The following FBXL13 variants were observed in gnomAD, a reference collection of about 807,000 sequenced individuals.
The protein encoded by FBXL13 is F-box and leucine-rich repeat protein 13.
FBXL13 carries 67 observed loss-of-function variants against 83.6 expected under a neutral mutation model. The ratio of observed to expected loss-of-function variants is 0.80; its 90% CI spans 0.66 to 0.98. FBXL13 has a LOEUF of 0.98. FBXL13 is among the 50% of genes least tolerant of loss of function. The pLI is 0.00. For synonymous variants in FBXL13, 272 were observed against 299.5 expected, an observed-to-expected ratio of 0.91 and a Z score of 0.95; for missense variants, 822 against 866.5, an observed-to-expected ratio of 0.95 and a Z score of 0.64.
chr7:103,017,108 G>A (rs577808938), intron 6 of FBXL13, among the ~76,000 whole-genome samples: 172 of 149,008 alleles, frequency 1.2e-3, no homozygotes, highest in Non-Finnish European at 1.4e-3. Flanking sequence ...ACACGGCTGG[G>A]TACCCCTCTG....
intron 2 of FBXL13, among the ~76,000 whole-genome samples, chr7:103,034,841 TTAAAC>T (rs746322303): frequency 2.6e-5 from 4 of 152,244 alleles, no homozygotes; most frequent in African/African-American, 7.2e-5. Flanking sequence ...TTTTGCAAAC[TTAAAC>T]TAATGTGATA....
intron 7 of FBXL13, among the ~76,000 whole-genome samples, chr7:102,964,556 C>T (rs914959765): frequency 3.3e-5 from 5 of 151,742 alleles, no homozygotes; most frequent in African/African-American, 9.7e-5. Context: ...GCACCTGCCA[C>T]CATGCCCGGC....
intron 8 of FBXL13, among the ~76,000 whole-genome samples, chr7:102,937,931 T>TG (rs1820648946): frequency 6.6e-6 from 1 of 152,198 alleles, no homozygotes; most frequent in Admixed American, 6.5e-5. Context: ...CCAGCTGACT[T>TG]GCAATGAGTC....
intron 8 of FBXL13, among the ~76,000 whole-genome samples, chr7:102,951,834 G>A (rs1229145286): frequency 6.6e-6 from 1 of 150,402 alleles, no homozygotes; most frequent in East Asian, 1.9e-4. Context: ...GATTGGAGTG[G>A]AGATAAGCAA....
At chr7:102,845,303 C>T (rs1457351277) in intron 17 of FBXL13, among the ~76,000 whole-genome samples, 1 of 152,142 alleles carries the variant, frequency 6.6e-6, no homozygotes, top group East Asian at 1.9e-4. Flanking sequence ...AGGAGTTCTG[C>T]ATCAGGAACC....
chr7:102,975,680 T>C (rs886097909), intron 6 of FBXL13, among the ~76,000 whole-genome samples: 11 of 152,158 alleles, frequency 7.2e-5, no homozygotes, highest in African/African-American at 2.7e-4. Flanking sequence ...AACCTAGACC[T>C]AGCCAGTCCA....
intron 6 of FBXL13, among the ~76,000 whole-genome samples, chr7:103,021,667 G>A (rs1793192503): frequency 6.6e-6 from 1 of 152,144 alleles, no homozygotes; most frequent in South Asian, 2.1e-4. Flanking sequence ...TCAAAAATGG[G>A]CAAAGGATAT....
intron 2 of FBXL13, among the ~76,000 whole-genome samples, chr7:103,049,328 T>C (rs1215393354): frequency 6.6e-6 from 1 of 152,258 alleles, no homozygotes; most frequent in Non-Finnish European, 1.5e-5. Flanking sequence ...CTGCATAATT[T>C]AGACTAAATG....
chr7:102,900,857 A>G (rs1343439104), intron 11 of FBXL13, among the ~76,000 whole-genome samples: 1 of 152,258 alleles, frequency 6.6e-6, no homozygotes, highest in African/African-American at 2.4e-5. Context: ...AATGAAAGAA[A>G]CTAACATTGT....
At chr7:102,813,582 C>CA (rs760504255) in intron 19 of FBXL13, 51 bp from the exon 21 acceptor site, 1 of 1,563,986 alleles carries the variant, frequency 6.4e-7, no homozygotes, top group African/African-American at 1.4e-5. Flanking sequence ...ACCCCTAGTG[C>CA]AAAATTTTCA....
chr7:103,050,947 C>T (rs1796748849), intron 2 of FBXL13, among the ~76,000 whole-genome samples: 1 of 152,174 alleles, frequency 6.6e-6, no homozygotes, highest in Admixed American at 6.6e-5. Flanking sequence ...TTACTGAGAA[C>T]CCTCATTTTT....
intron 2 of FBXL13, among the ~76,000 whole-genome samples, chr7:103,030,364 C>G (rs1488767773): frequency 1.3e-5 from 2 of 152,128 alleles, no homozygotes; most frequent in Admixed American, 1.3e-4. Flanking sequence ...CAAATTATGC[C>G]TACAGTGAGG....
rs553093251 is a variant in FBXL13, at chr7:102,843,189, A to T, written c.1720-10215T>A. Among the ~76,000 whole-genome samples the T allele has an allele frequency of 1.6e-3, 249 of 152,302 alleles. 1 individual carries two copies. Among genetic ancestry groups the T allele is most frequent in the African/African-American group, 5.5e-3 (229 of 41,572 alleles). ...CCGGGCATGGTGGCTCACACCTGTA[A>T]CCCCAACACTTTGGGAGGCTGAGAC... is the stretch of plus-strand genomic sequence containing the variant. On this transcript the variant is annotated intron_variant, in intron 17 of 19. Transcript: ENST00000313221.
intron 11 of FBXL13, among the ~76,000 whole-genome samples, chr7:102,904,216 A>G (rs1264327933): frequency 2.0e-5 from 3 of 151,586 alleles, no homozygotes; most frequent in Non-Finnish European, 4.4e-5. Flanking sequence ...TCCCTGTTTA[A>G]TCTTGGTAGC....
At chr7:103,018,372 G>A (rs1351370196) in intron 6 of FBXL13, among the ~76,000 whole-genome samples, 1 of 152,116 alleles carries the variant, frequency 6.6e-6, no homozygotes, top group East Asian at 1.9e-4. Context: ...GCAAAAACAT[G>A]CCAAATTGGA....
chr7:102,844,711 A>C (rs575194210), intron 17 of FBXL13, among the ~76,000 whole-genome samples: 1 of 152,166 alleles, frequency 6.6e-6, no homozygotes, highest in Non-Finnish European at 1.5e-5. Context: ...ATTTAATTCA[A>C]CTCTGACATT....
In FBXL13 at chr7:102,815,425, A is replaced by C. The variant is rs139348230; in HGVS notation, c.2019-1894T>G. Among the ~76,000 whole-genome samples the C allele has an allele frequency of 4.1e-3, 618 of 152,252 alleles. 5 individuals carry two copies. The highest frequency in any genetic ancestry group is 0.014 in the African/African-American group (592 of 41,558). On this transcript the variant is annotated intron_variant, in intron 19 of 19. Transcript: ENST00000313221. ...AGAGATTTCAGCAGCTTACACCAAG[A>C]AGGGAAGTCCTTTAACCCTCTTGGC...
intron 6 of FBXL13, among the ~76,000 whole-genome samples, chr7:103,010,995 T>C (rs952149154): frequency 6.6e-6 from 1 of 151,700 alleles, no homozygotes; most frequent in Non-Finnish European, 1.5e-5. Context: ...TATTCTATAA[T>C]CAAACCCCAA....
At chr7:102,870,726 G>T (rs1459596399) in intron 16 of FBXL13, among the ~76,000 whole-genome samples, 2 of 152,264 alleles carry the variant, frequency 1.3e-5, no homozygotes, top group East Asian at 3.9e-4. Flanking sequence ...GTAGACAGGG[G>T]TTTCTTTAAT....
Sources: allele counts gnomAD v4.1 joint callset (sites outside exome capture counted in the v4.1 genomes callset), GRCh38; gene constraint gnomAD v4.1.1; transcripts MANE v1.5; gene names NCBI Gene and HGNC (gene_info 2026-07-23, HGNC 2026-07-21).